Variants in RIT2 observed in about 807,000 individuals in gnomAD.
RIT2 encodes GTP-binding protein Rit2.
A neutral mutation model predicts 23.7 loss-of-function variants in RIT2; 24 were observed. The ratio of observed to expected loss-of-function variants is 1.01; its 90% CI spans 0.73 to 1.43. RIT2 has a LOEUF of 1.43. Ranked by LOEUF, RIT2 falls within the 40% of genes most tolerant of loss-of-function variation. The pLI is 0.00. For missense variants in RIT2, 236 were observed against 266.9 expected (o/e 0.88, Z 0.81); for synonymous variants, 107 against 91.1 (o/e 1.17, Z -0.99).
At chr18:43,001,990 G>C (rs533433216) in intron 2 of RIT2, among the ~76,000 whole-genome samples, 2 of 151,946 alleles carry the variant, frequency 1.3e-5, no homozygotes, top group South Asian at 4.1e-4. Flanking sequence ...ATATATTAAA[G>C]GGAGTTTCTT....
At chr18:43,094,122 T>G (rs200285943) in intron 1 of RIT2, among the ~76,000 whole-genome samples, 1 of 85,590 alleles carries the variant, frequency 1.2e-5, no homozygotes, top group Non-Finnish European at 2.6e-5. Flanking sequence ...GGGTTTTTTT[T>G]GTTTTTTTTT....
chr18:43,005,055 G>A (rs188254787), intron 2 of RIT2, among the ~76,000 whole-genome samples: 3 of 151,696 alleles, frequency 2.0e-5, no homozygotes, highest in African/African-American at 7.3e-5. Context: ...ATGCAGCTAA[G>A]AAAGAAAAAG....
intron 4 of RIT2, among the ~76,000 whole-genome samples, chr18:42,916,375 C>T (rs1370983260): frequency 6.6e-6 from 1 of 152,082 alleles, no homozygotes; most frequent in Non-Finnish European, 1.5e-5. Context: ...CTTTACTTAG[C>T]TCATAAACTG....
intron 1 of RIT2, among the ~76,000 whole-genome samples, chr18:43,114,206 C>G (rs1450943368): frequency 6.6e-6 from 1 of 152,104 alleles, no homozygotes; most frequent in Non-Finnish European, 1.5e-5. Flanking sequence ...CATTTTGCTA[C>G]TGACCACATC....
intron 4 of RIT2, among the ~76,000 whole-genome samples, chr18:42,764,057 A>T (rs1431147756): frequency 6.6e-6 from 1 of 152,208 alleles, no homozygotes; most frequent in East Asian, 1.9e-4. Context: ...AAGGTGAGTG[A>T]CACTAAATTG....
chr18:42,744,660 G>A (rs1387012070), intron 4 of RIT2, among the ~76,000 whole-genome samples: 3 of 152,030 alleles, frequency 2.0e-5, no homozygotes, highest in African/African-American at 7.3e-5. Context: ...TCATCTAGAA[G>A]AGGCACATGC....
At chr18:42,824,757 A>ATGTGTGTG (rs113714294) in intron 4 of RIT2, among the ~76,000 whole-genome samples, 8 of 148,534 alleles carry the variant, frequency 5.4e-5, no homozygotes, top group South Asian at 4.2e-4. Context: ...CTTTGTGTGT[A>ATGTGTGTG]TGTGTGTGTG....
chr18:42,882,448 G>T lies in RIT2; in HGVS notation c.426+41124C>A, dbSNP rs1373803620. On this transcript the variant is annotated intron_variant, in intron 4 of 4. Transcript: ENST00000326695. The stretch of plus-strand genomic sequence containing the variant: ...ATTATTTATATCTGACTGTCCATAT[G>T]CTTTAAAGACTTTGACCTAGAAGGA... Among the ~76,000 whole-genome samples the T allele has an allele frequency of 3.3e-5, 5 of 152,150 alleles. No individual in the cohort carries two copies. In the East Asian group the frequency reaches 9.6e-4, roughly 29 times the overall value.
intron 1 of RIT2, among the ~76,000 whole-genome samples, chr18:43,099,027 C>A (rs187243936): frequency 2.0e-5 from 3 of 152,102 alleles, no homozygotes; most frequent in East Asian, 1.9e-4. Context: ...GGGAGATGAA[C>A]TTTTCTGATT....
At chr18:42,883,137 AGT>A (rs1466546839) in intron 4 of RIT2, among the ~76,000 whole-genome samples, 3 of 151,718 alleles carry the variant, frequency 2.0e-5, no homozygotes, top group Admixed American at 6.6e-5. Flanking sequence ...TGTGCACGAG[AGT>A]GTGTGTGCGT....
chr18:42,781,146 C>T (rs1048624631), intron 4 of RIT2, among the ~76,000 whole-genome samples: 1 of 151,278 alleles, frequency 6.6e-6, no homozygotes, highest in African/African-American at 2.4e-5. Flanking sequence ...GAAATCCACT[C>T]TGAAAATAAT....
At position 42,779,330 on chromosome 18, in the gene RIT2, G is replaced by C. The variant is rs144860348; in HGVS notation, c.427-35610C>G. ...AATTGTCAAAAAAGATAGAGCCCCT[G>C]TCTCCCTTCCTCTGTTGGAGAGTAG... is the stretch of plus-strand genomic sequence containing the variant. On this transcript the variant is annotated intron_variant, in intron 4 of 4. Coordinates refer to ENST00000326695, the MANE Select transcript of RIT2 (RefSeq NM_002930.4). Among the ~76,000 whole-genome samples the C allele has an allele frequency of 1.3e-3, 195 of 152,164 alleles. 1 individual carries two copies. Among genetic ancestry groups the C allele is most frequent in the African/African-American group, 4.3e-3 (177 of 41,498 alleles).
chr18:43,094,742 A>T (rs1913509587), intron 1 of RIT2, among the ~76,000 whole-genome samples: 1 of 152,070 alleles, frequency 6.6e-6, no homozygotes, highest in Non-Finnish European at 1.5e-5. Flanking sequence ...CTGAGGTGGT[A>T]CATTGTTTTA....
intron 4 of RIT2, among the ~76,000 whole-genome samples, chr18:42,842,596 T>C (rs796572347): frequency 1.6e-4 from 25 of 152,302 alleles, no homozygotes; most frequent in African/African-American, 6.0e-4. Flanking sequence ...AATAGGACAC[T>C]AATTTATGTC....
At chr18:42,750,537 G>A (rs780001560) in intron 4 of RIT2, among the ~76,000 whole-genome samples, 18 of 151,728 alleles carry the variant, frequency 1.2e-4, no homozygotes, top group Non-Finnish European at 1.6e-4. Flanking sequence ...TAATATTTCC[G>A]TAGCTAAATA....
chr18:42,903,259 T>C (rs584848), intron 4 of RIT2, among the ~76,000 whole-genome samples: 140,779 of 152,074 alleles, frequency 0.93, 65,197 homozygotes, highest in East Asian at 1. Context: ...TATTGAAAGA[T>C]AAGAGAAAAC....
At chr18:42,988,405 A>G (rs1446307642) in intron 2 of RIT2, among the ~76,000 whole-genome samples, 1 of 152,198 alleles carries the variant, frequency 6.6e-6, no homozygotes, top group African/African-American at 2.4e-5. Flanking sequence ...TGTATTTCAG[A>G]TAATGACAAT....
chr18:42,983,575 A>G (rs930868571), intron 2 of RIT2, among the ~76,000 whole-genome samples: 3 of 152,136 alleles, frequency 2.0e-5, no homozygotes, highest in Non-Finnish European at 4.4e-5. Flanking sequence ...CAGCTAGAAC[A>G]GCAGAAAATA....
At chr18:42,803,584 C>T (rs938019733) in intron 4 of RIT2, among the ~76,000 whole-genome samples, 2 of 152,126 alleles carry the variant, frequency 1.3e-5, no homozygotes, top group Admixed American at 6.5e-5. Flanking sequence ...ATTTAGTATG[C>T]ATTCTTTTGA....
Sources: allele counts gnomAD v4.1 joint callset (sites outside exome capture counted in the v4.1 genomes callset), GRCh38; gene constraint gnomAD v4.1.1; transcripts MANE v1.5; gene names NCBI Gene and HGNC (gene_info 2026-07-23, HGNC 2026-07-21).